PAK1: variants seen among roughly 807,000 people sequenced by gnomAD.
PAK1 encodes the protein serine/threonine-protein kinase PAK 1.
In PAK1, 29 loss-of-function variants were observed where a neutral mutation model predicts 67.4. That is an observed-to-expected ratio of 0.43 (90% confidence interval 0.32 to 0.59). The LOEUF (loss-of-function observed/expected upper bound fraction) is 0.59, where lower values mean the gene tolerates loss of function less well. Among genes scored for constraint, PAK1 ranks in the 20% least tolerant of loss-of-function variants. The pLI, the probability that PAK1 is intolerant of heterozygous loss-of-function variation, is 0.07. For missense variants in PAK1, 337 were observed against 670.7 expected (o/e 0.50, Z 5.50); for synonymous variants, 223 against 237.4 (o/e 0.94, Z 0.56).
chr11:77,474,319 C>T (rs1166354692), upstream of PAK1: 1 of 152,098 alleles, frequency 6.6e-6, no homozygotes, highest in Non-Finnish European at 1.5e-5. Context: ...CGAGGCCAAA[C>T]CCTGGCCCGC....
the PAK1 span, among the ~76,000 whole-genome samples, chr11:77,505,424 G>A: frequency 1.3e-5 from 2 of 152,224 alleles, no homozygotes; most frequent in South Asian, 2.1e-4. Context: ...CTGGCCTCAA[G>A]TGATCCACCC....
At chr11:77,502,336 CTA>C in the PAK1 span, among the ~76,000 whole-genome samples, 1 of 152,138 alleles carries the variant, frequency 6.6e-6, no homozygotes, top group Admixed American at 6.5e-5. Flanking sequence ...TCATAAATGT[CTA>C]TTATTTTCAA....
intron 1 of PAK1, among the ~76,000 whole-genome samples, chr11:77,469,516 T>C (rs1311568064): frequency 3.3e-5 from 5 of 152,178 alleles, no homozygotes; most frequent in East Asian, 1.9e-4. Flanking sequence ...GTAGCAACTA[T>C]TACTATCCCC....
chr11:77,355,828 A>C lies in PAK1; in HGVS notation c.612T>G (p.Ser204=), dbSNP rs1945958677. 1.2e-6 allele frequency: 2 copies of C among 1,613,578 alleles called. No homozygotes were observed. Among genetic ancestry groups the C allele is most frequent in the South Asian group, 2.2e-5 (2 of 91,078 alleles). ...GAGTGACAGGAAGTGGTTCAATCAC[A>C]GACCGTGTGTATACCTGCATTATTA... ...PEHTKSVYTR[S]VIEPLPVTPT... The change falls in exon 7 of 15, where the codon TCT becomes TCG. Residue 204 remains serine, a synonymous_variant. Coordinates refer to ENST00000356341, the MANE Select transcript of PAK1 (RefSeq NM_002576.5).
chr11:77,440,536 T>C (rs1956309769), intron 1 of PAK1, among the ~76,000 whole-genome samples: 1 of 152,178 alleles, frequency 6.6e-6, no homozygotes, highest in Non-Finnish European at 1.5e-5. Context: ...TTAAAAAACT[T>C]GCCCATAGTC....
Position 77,392,461 on chromosome 11 carries a change from G to C in PAK1, c.60C>G (p.Thr20=). 6.2e-7 allele frequency: 1 copy of C among 1,613,884 alleles called. No homozygotes were observed. Among genetic ancestry groups the C allele is most frequent in the Non-Finnish European group, 8.5e-7 (1 of 1,179,892 alleles). ...DKPPAPPMRN[T]STMIGAGSKD... The stretch of plus-strand genomic sequence containing the variant: ...TGCTGCCGGCTCCAATCATAGTGCT[G>C]GTATTTCTCATCGGAGGGGCTGGGG... The change falls in exon 2 of 15, where the codon ACC becomes ACG. Residue 20 remains threonine, a synonymous_variant. Transcript: ENST00000356341.
At chr11:77,367,039 T>C (rs1947687455) in intron 5 of PAK1, among the ~76,000 whole-genome samples, 1 of 152,210 alleles carries the variant, frequency 6.6e-6, no homozygotes, top group African/African-American at 2.4e-5. Flanking sequence ...ACCATACTGA[T>C]ACATGTTACA....
intron 1 of PAK1, among the ~76,000 whole-genome samples, chr11:77,453,959 T>C (rs968026329): frequency 2.0e-5 from 3 of 152,164 alleles, no homozygotes; most frequent in Non-Finnish European, 2.9e-5. Flanking sequence ...GGCACGTGCC[T>C]GTAGCCCCAG....
At chr11:77,424,979 T>C (rs994382955) in intron 1 of PAK1, among the ~76,000 whole-genome samples, 5 of 152,162 alleles carry the variant, frequency 3.3e-5, no homozygotes, top group Admixed American at 2.6e-4. Flanking sequence ...CCCAAACAAA[T>C]ATAAAAAATA....
At chr11:77,488,830 C>T in the PAK1 span, among the ~76,000 whole-genome samples, 1 of 152,024 alleles carries the variant, frequency 6.6e-6, no homozygotes, top group South Asian at 2.1e-4. Context: ...AAACCTAAGA[C>T]TTATTGGCCA....
rs566874549 is a variant in PAK1 at position 77,429,056 on chromosome 11, TAAAAAAAAAAAAA to T, written c.-21-36528_-21-36516del. The stretch of plus-strand genomic sequence containing the variant: ...TTGGATTCTAAATGCCATTTAATAC[TAAAAAAAAAAAAA>T]AAAAAAAAAAAAAAAAAAAAAAAAA... On this transcript the variant is annotated intron_variant, in intron 1 of 14. Coordinates refer to ENST00000356341, the MANE Select transcript of PAK1 (RefSeq NM_002576.5). 2.0e-3 allele frequency among the ~76,000 whole-genome samples: 97 copies of T among 48,980 alleles called. No individual in the cohort carries two copies. The South Asian group carries it at 0.02, about 10-fold the overall frequency. The allele number at this position is 48,980 out of a possible 152,430, so 32.1% of individuals were successfully genotyped here.
intron 1 of PAK1, among the ~76,000 whole-genome samples, chr11:77,457,094 G>C (rs1957115660): frequency 6.6e-6 from 1 of 152,126 alleles, no homozygotes; most frequent in African/African-American, 2.4e-5. Flanking sequence ...CAAAACCACA[G>C]AGGTTAACTA....
chr11:77,461,466 G>C (rs1218155308), intron 1 of PAK1, among the ~76,000 whole-genome samples: 1 of 152,174 alleles, frequency 6.6e-6, no homozygotes. Flanking sequence ...CTCTAAGAAA[G>C]AATTATTCTA....
intron 5 of PAK1, among the ~76,000 whole-genome samples, chr11:77,369,723 C>T (rs1948159717): frequency 6.6e-6 from 1 of 152,138 alleles, no homozygotes; most frequent in Non-Finnish European, 1.5e-5. Flanking sequence ...GCTGGGATTA[C>T]AGGTGTGAGC....
chr11:77,423,444 C>CT (rs1955391803), intron 1 of PAK1, among the ~76,000 whole-genome samples: 2 of 148,856 alleles, frequency 1.3e-5, no homozygotes, highest in African/African-American at 5.0e-5. Context: ...CACACACACC[C>CT]CTTAGGACAA....
intron 1 of PAK1, among the ~76,000 whole-genome samples, chr11:77,429,542 C>T (rs779958765): frequency 1.3e-5 from 2 of 152,114 alleles, no homozygotes; most frequent in Non-Finnish European, 1.5e-5. Context: ...TGCAATGAAA[C>T]GAATACAGCA....
At chr11:77,509,756 T>C in the PAK1 span, among the ~76,000 whole-genome samples, 1 of 152,194 alleles carries the variant, frequency 6.6e-6, no homozygotes, top group South Asian at 2.1e-4. Flanking sequence ...CACTCACTCT[T>C]ACTCCTGCTC....
chr11:77,417,387 G>A (rs1955023081), intron 1 of PAK1, among the ~76,000 whole-genome samples: 1 of 152,196 alleles, frequency 6.6e-6, no homozygotes, highest in South Asian at 2.1e-4. Flanking sequence ...TGAAAAGGCT[G>A]ATTCCAACTA....
At chr11:77,421,217 C>T (rs1301078445) in intron 1 of PAK1, among the ~76,000 whole-genome samples, 1 of 152,218 alleles carries the variant, frequency 6.6e-6, no homozygotes, top group Admixed American at 6.5e-5. Context: ...CTGCTCCAGG[C>T]ACCAAGGCTT....
Sources: allele counts gnomAD v4.1 joint callset (sites outside exome capture counted in the v4.1 genomes callset), GRCh38; gene constraint gnomAD v4.1.1; transcripts MANE v1.5; gene names NCBI Gene and HGNC (gene_info 2026-07-23, HGNC 2026-07-21).